ASH1L: variants seen among roughly 807,000 people sequenced by gnomAD.
ASH1L encodes histone-lysine N-methyltransferase ASH1L.
Under a neutral mutation model 269.0 loss-of-function variants are expected in ASH1L, and 23 were observed. The ratio of observed to expected loss-of-function variants is 0.09; its 90% CI spans 0.06 to 0.12. The LOEUF (loss-of-function observed/expected upper bound fraction) is 0.12, where lower values mean the gene tolerates loss of function less well. Ranked by LOEUF, ASH1L falls within the 10% of genes least tolerant of loss-of-function variation. The pLI is 1.00. For synonymous variants in ASH1L, 1,187 were observed against 1,253.5 expected (o/e 0.95, Z 1.12); for missense variants, 2,912 against 3,567.8 (o/e 0.82, Z 4.68).
chr1:155,458,860 T>A (rs1049191515), intron 4 of ASH1L, among the ~76,000 whole-genome samples: 1 of 151,474 alleles, frequency 6.6e-6, no homozygotes, highest in Non-Finnish European at 1.5e-5. Flanking sequence ...TCACTCTCCA[T>A]CTCTCTCAGT....
chr1:155,466,297 T>G, intron 3 of ASH1L, among the ~76,000 whole-genome samples: 1 of 152,136 alleles, frequency 6.6e-6, no homozygotes, highest in African/African-American at 2.4e-5. Flanking sequence ...GAGCTTGCAG[T>G]AAGCCAAGAT....
intron 4 of ASH1L, among the ~76,000 whole-genome samples, chr1:155,459,237 C>T (rs1030084142): frequency 6.6e-6 from 1 of 151,862 alleles, no homozygotes; most frequent in African/African-American, 2.4e-5. Context: ...ACTCTGTCAC[C>T]CAGGCTGGAA....
At chr1:155,375,610 A>G (rs1656364221) in intron 10 of ASH1L, among the ~76,000 whole-genome samples, 1 of 152,056 alleles carries the variant, frequency 6.6e-6, no homozygotes, top group African/African-American at 2.4e-5. Context: ...AACATGGCAA[A>G]ACCCTGTCTC....
chr1:155,475,054 T>C (rs1052317200), intron 3 of ASH1L, among the ~76,000 whole-genome samples: 6 of 152,214 alleles, frequency 3.9e-5, no homozygotes, highest in Admixed American at 6.5e-5. Flanking sequence ...CTCTCTGTAT[T>C]TCCTCTTTCA....
intron 2 of ASH1L, among the ~76,000 whole-genome samples, chr1:155,519,160 T>C (rs1193715244): frequency 1.3e-5 from 2 of 151,964 alleles, no homozygotes; most frequent in African/African-American, 4.8e-5. Context: ...GGTGGCTGGG[T>C]GTGGTGGCTC....
Position 155,478,734 on chromosome 1 carries a change from T to A in ASH1L, c.4136A>T (p.Tyr1379Phe). The A allele has an allele frequency of 6.2e-7, 1 of 1,614,048 alleles. No homozygotes were observed. Among genetic ancestry groups the A allele is most frequent in the South Asian group, 1.1e-5 (1 of 91,078 alleles). Residue 1379 changes from tyrosine (Y) to phenylalanine (F), a missense_variant, in exon 3 of 28, where the codon TAT becomes TTT. Tyr to Phe is a conservative substitution (Grantham distance 22). Transcript: ENST00000392403. The surrounding 1 kb of genome is among the most constrained non-coding windows in gnomAD (Gnocchi z 4.6). ...LSFPLSSTGF[Y>F]PSYGMPYSPS... ...AGAGTAAGGCATACCATAAGATGGA[T>A]AGAATCCAGTACTAGAAAGAGGAAA... is the stretch of plus-strand genomic sequence containing the variant.
intron 1 of ASH1L, among the ~76,000 whole-genome samples, chr1:155,527,859 CTT>C (rs1243465955): frequency 1.3e-5 from 2 of 152,012 alleles, no homozygotes; most frequent in Admixed American, 6.5e-5. Flanking sequence ...GGACTCCTCT[CTT>C]GATTGTTCTT....
In ASH1L at chr1:155,478,140, A is replaced by T. The variant is rs761260026; in HGVS notation, c.4730T>A (p.Ile1577Asn). 6.2e-7 allele frequency: 1 copy of T among 1,614,036 alleles called. No individual in the cohort carries two copies. The highest frequency in any genetic ancestry group is 8.5e-7 in the Non-Finnish European group (1 of 1,180,024). ...GCTTGGAGAACTTTCTGAACAGTCA[A>T]TCTGTAAAGGTGTCTGCAATCCCAA... Reference protein sequence around the residue: ...LALGLQTPLQIDCSESSPSLS... With the variant: ...LALGLQTPLQNDCSESSPSLS... The change falls in exon 3 of 28, where the codon ATT becomes AAT. Residue 1577 changes from isoleucine (I) to asparagine (N), a missense_variant. By Grantham distance (149) the Ile-to-Asn change is moderately radical. Transcript: ENST00000392403. This position sits in a 1 kb window ranked among gnomAD's most constrained non-coding sequence, Gnocchi z 4.6.
intron 25 of ASH1L, among the ~76,000 whole-genome samples, chr1:155,341,307 G>T (rs1276909644): frequency 6.6e-6 from 1 of 152,012 alleles, no homozygotes; most frequent in Non-Finnish European, 1.5e-5. Flanking sequence ...CTCCCGAGTA[G>T]CTGGGACCAC....
rs529976138 is a variant in ASH1L at position 155,345,721 on chromosome 1, C to T, written c.7890+662G>A. ...TCCTGAGTAGCTGGGATTACAGGCA[C>T]CTGCCACTGTGCCTGGCTAAGTTTT... is the stretch of plus-strand genomic sequence containing the variant. On this transcript the variant is annotated intron_variant, in intron 21 of 27. Coordinates refer to ENST00000392403, the MANE Select transcript of ASH1L (RefSeq NM_018489.3). Among the ~76,000 whole-genome samples, 12 of 151,394 alleles carry T rather than the reference C, an allele frequency of 7.9e-5. No individual in the cohort carries two copies. The East Asian group carries it at 1.2e-3, about 15-fold the overall frequency.
rs980591089 is a variant in ASH1L, at chr1:155,355,938, GT to G, written c.7056-1309del. On this transcript the variant is annotated intron_variant, in intron 15 of 27. Coordinates refer to ENST00000392403, the MANE Select transcript of ASH1L (RefSeq NM_018489.3). Reference sequence around the variant, plus strand: ...CTGTTTTTTTTTTTTTTTGCTTTTTGTTTTTTTTTGTTTTTTGAGACGGAGT... The same window carrying G: ...CTGTTTTTTTTTTTTTTTGCTTTTTGTTTTTTTTGTTTTTTGAGACGGAGT... Among the ~76,000 whole-genome samples, 5 of 114,598 alleles carry G rather than the reference GT, an allele frequency of 4.4e-5. No individual in the cohort carries two copies. The East Asian group carries it at 7.6e-4, about 17-fold the overall frequency. The allele number at this position is 114,598 out of a possible 152,430, so 75.2% of individuals were successfully genotyped here.
At chr1:155,348,893 A>C (rs984578330) in intron 19 of ASH1L, among the ~76,000 whole-genome samples, 3 of 45,088 alleles carry the variant, frequency 6.7e-5, no homozygotes, top group African/African-American at 1.5e-4. Flanking sequence ...TTAAAAAAAA[A>C]AAAAAAATAT....
At chr1:155,465,503 T>C (rs1664621603) in intron 3 of ASH1L, among the ~76,000 whole-genome samples, 2 of 152,154 alleles carry the variant, frequency 1.3e-5, no homozygotes, top group African/African-American at 4.8e-5. Context: ...AGAAATATCT[T>C]TGGGTGAATT....
At chr1:155,511,158 A>C (rs1431192693) in intron 2 of ASH1L, among the ~76,000 whole-genome samples, 1 of 152,218 alleles carries the variant, frequency 6.6e-6, no homozygotes. Flanking sequence ...GAAATAAAGA[A>C]GACGAATATA....
intron 2 of ASH1L, among the ~76,000 whole-genome samples, chr1:155,505,966 C>T (rs1667788151): frequency 6.6e-6 from 1 of 152,040 alleles, no homozygotes; most frequent in South Asian, 2.1e-4. Context: ...TTAGGTATAT[C>T]TCCTAATGCT....
chr1:155,392,877 C>T (rs1192145982), intron 7 of ASH1L, among the ~76,000 whole-genome samples: 1 of 150,518 alleles, frequency 6.6e-6, no homozygotes, highest in Non-Finnish European at 1.5e-5. Context: ...TCACTCTTGT[C>T]ACCCATGCCG....
chr1:155,498,363 G>C (rs990135297), intron 2 of ASH1L, among the ~76,000 whole-genome samples: 1 of 152,056 alleles, frequency 6.6e-6, no homozygotes, highest in African/African-American at 2.4e-5. Context: ...TCAGCCTCCT[G>C]AGAAGACGGG....
intron 1 of ASH1L, among the ~76,000 whole-genome samples, chr1:155,544,686 AT>A (rs1558211401): frequency 3.3e-5 from 5 of 152,196 alleles, no homozygotes; most frequent in African/African-American, 4.8e-5. Flanking sequence ...AGACTAAGAC[AT>A]TGTAAATAAA....
At chr1:155,429,387 CT>C (rs1042925070) in intron 5 of ASH1L, among the ~76,000 whole-genome samples, 1 of 152,168 alleles carries the variant, frequency 6.6e-6, no homozygotes, top group African/African-American at 2.4e-5. Flanking sequence ...GATTCTCCCA[CT>C]TGGCTTCCTG....
Sources: gnomAD v4.1 joint callset for allele counts (sites outside exome capture counted in the v4.1 genomes callset) on GRCh38, gnomAD v4.1.1 for gene constraint, Gnocchi (gnomAD v3.1) non-coding constraint, MANE v1.5 for transcripts, NCBI Gene and HGNC (gene_info 2026-07-23, HGNC 2026-07-21) for gene names.